DTWD2: variants seen among roughly 807,000 people sequenced by gnomAD.
DTWD2 encodes DTW motif tRNA-uridine aminocarboxypropyltransferase 2.
Under a neutral mutation model 31.8 loss-of-function variants are expected in DTWD2, and 39 were observed. That is an observed-to-expected ratio of 1.22 (90% confidence interval 0.95 to 1.60). DTWD2 has a LOEUF of 1.60. Among genes scored for constraint, DTWD2 ranks in the 40% most tolerant of loss-of-function variants. The probability of loss-of-function intolerance (pLI) is 0.00; values close to 1 mark genes in which losing one functional copy is unlikely to be tolerated. For synonymous variants in DTWD2, 180 were observed against 142.8 expected (o/e 1.26, Z -1.86); for missense variants, 515 against 381.5 (o/e 1.35, Z -2.92).
chr5:118,988,394 C>CCGCCGGCACTG lies in DTWD2; in HGVS notation c.107_117dup (p.Ala40GlnfsTer62), dbSNP rs1386743155. 2 of 1,593,552 alleles carry CCGCCGGCACTG rather than the reference C, an allele frequency of 1.3e-6. No individual in the cohort carries two copies. Among genetic ancestry groups the CCGCCGGCACTG allele is most frequent in the Non-Finnish European group, 1.7e-6 (2 of 1,172,540 alleles). ...TCCGCCTCTGCGCCCAGGGCAGCCG[C>CCGCCGGCACTG]CGCCGGCACTGCGCCGCCCTCCCGC... is the stretch of plus-strand genomic sequence containing the variant. On this transcript the variant is annotated frameshift_variant, in exon 1 of 6. Transcript: ENST00000510708. LOFTEE classifies it high-confidence loss of function.
intron 1 of DTWD2, among the ~76,000 whole-genome samples, chr5:118,985,235 C>CCT (rs1016189296): frequency 3.3e-5 from 5 of 151,954 alleles, no homozygotes; most frequent in Non-Finnish European, 7.4e-5. Flanking sequence ...TCCCTCAAGC[C>CCT]CTCTCCTCAG....
At chr5:118,987,987 T>C (rs1178705583) in intron 1 of DTWD2, 1 of 660,214 alleles carries the variant, frequency 1.5e-6, no homozygotes, top group Non-Finnish European at 2.8e-6. Flanking sequence ...TTTACAAGTA[T>C]TACTGTCATC....
Position 118,839,482 on chromosome 5 carries a change from G to T in DTWD2, c.*1435C>A, listed in dbSNP as rs1751656935. On this transcript the variant is annotated 3_prime_UTR_variant, in exon 6 of 6. Transcript: ENST00000510708. ...CGATCCTCCCACCTTAGCCTCCCAA[G>T]TAGCTAGGACTACAAGTGCACACCA... 6.6e-6 allele frequency: 1 copy of T among 151,912 alleles called. No homozygotes were observed. Among genetic ancestry groups the T allele is most frequent in the Non-Finnish European group, 1.5e-5 (1 of 68,016 alleles). The allele number at this position is 151,912 out of a possible 1,614,324, so 9.4% of individuals were successfully genotyped here.
intron 4 of DTWD2, among the ~76,000 whole-genome samples, chr5:118,924,344 C>T (rs1474345420): frequency 6.6e-6 from 1 of 152,164 alleles, no homozygotes; most frequent in East Asian, 1.9e-4. Context: ...ACAGAACTGC[C>T]TGAGAACCAG....
intron 4 of DTWD2, among the ~76,000 whole-genome samples, chr5:118,876,279 C>T (rs903617719): frequency 6.6e-6 from 1 of 152,084 alleles, no homozygotes; most frequent in Non-Finnish European, 1.5e-5. Context: ...AACAACCTAA[C>T]ATCTCAACTA....
At chr5:118,947,385 A>C (rs1754363186) in intron 1 of DTWD2, among the ~76,000 whole-genome samples, 1 of 152,204 alleles carries the variant, frequency 6.6e-6, no homozygotes, top group Admixed American at 6.5e-5. Flanking sequence ...CTAAGCGGGA[A>C]GGAGAGCTGG....
chr5:118,926,660 T>C (rs1753815091), intron 4 of DTWD2, among the ~76,000 whole-genome samples: 1 of 152,204 alleles, frequency 6.6e-6, no homozygotes, highest in Non-Finnish European at 1.5e-5. Context: ...ACAGTTATAC[T>C]AGCGGAAATA....
At position 118,837,745 on chromosome 5, in the gene DTWD2, T is replaced by G. The variant is rs1751604670; in HGVS notation, c.*3172A>C. The G allele has an allele frequency of 6.6e-6, 1 of 152,010 alleles. No homozygotes were observed. Among genetic ancestry groups the G allele is most frequent in the Non-Finnish European group, 1.5e-5 (1 of 68,034 alleles). 9.4% of individuals were successfully genotyped at this position (152,010 alleles called of 1,614,324 possible). On this transcript the variant is annotated 3_prime_UTR_variant, in exon 6 of 6. Coordinates refer to ENST00000510708, the MANE Select transcript of DTWD2 (RefSeq NM_173666.4). ...GCAAGACCCCCATCTCCACAAAAAT[T>G]AAATGAAATTAGTAAAATTTAAAAT...
At chr5:118,887,118 T>C (rs1752884515) in intron 4 of DTWD2, among the ~76,000 whole-genome samples, 1 of 152,212 alleles carries the variant, frequency 6.6e-6, no homozygotes, top group Non-Finnish European at 1.5e-5. Flanking sequence ...AGAAACTATA[T>C]GGTATAGTGG....
intron 4 of DTWD2, among the ~76,000 whole-genome samples, chr5:118,876,396 A>G (rs2066778021): frequency 6.6e-6 from 1 of 152,182 alleles, no homozygotes; most frequent in Non-Finnish European, 1.5e-5. Context: ...CGTGAATTGA[A>G]GGAGACTAAG....
In DTWD2 at chr5:118,866,140, T is replaced by C. The variant is rs185456791; in HGVS notation, c.598-17922A>G. ...GCATGAAAGTTATGAATCTAAAAAC[T>C]GCTAAATTGTAGCCTGCCTTTAAAA... On this transcript the variant is annotated intron_variant, in intron 4 of 5. Transcript: ENST00000510708. Among the ~76,000 whole-genome samples, 182 of 152,264 alleles carry C rather than the reference T, an allele frequency of 1.2e-3. 2 individuals carry two copies. Among genetic ancestry groups the C allele is most frequent in the Non-Finnish European group, 1.9e-3 (131 of 68,012 alleles).
At chr5:118,849,268 A>C (rs1364905811) in intron 4 of DTWD2, among the ~76,000 whole-genome samples, 2 of 152,196 alleles carry the variant, frequency 1.3e-5, no homozygotes, top group Non-Finnish European at 2.9e-5. Context: ...AACAAACATA[A>C]GAAAAAAATC....
intron 4 of DTWD2, among the ~76,000 whole-genome samples, chr5:118,871,362 T>C (rs1046084970): frequency 1.3e-5 from 2 of 152,234 alleles, no homozygotes; most frequent in Non-Finnish European, 2.9e-5. Flanking sequence ...CTTAATGACA[T>C]CGAGAATGGT....
chr5:118,851,311 G>A (rs533944767), intron 4 of DTWD2, among the ~76,000 whole-genome samples: 7 of 151,488 alleles, frequency 4.6e-5, no homozygotes, highest in Admixed American at 1.3e-4. Flanking sequence ...CTTAAATGTC[G>A]GCTGGTCTGA....
At chr5:118,947,148 C>G (rs1461826713) in intron 1 of DTWD2, among the ~76,000 whole-genome samples, 1 of 152,158 alleles carries the variant, frequency 6.6e-6, no homozygotes, top group African/African-American at 2.4e-5. Flanking sequence ...AGAGCTAGCA[C>G]TGTTGGGTGC....
chr5:118,980,947 CCAAG>C, intron 1 of DTWD2, among the ~76,000 whole-genome samples: 1 of 152,220 alleles, frequency 6.6e-6, no homozygotes, highest in East Asian at 1.9e-4. Flanking sequence ...TAAAAACAAC[CCAAG>C]CATTCATCAA....
At chr5:118,876,128 G>A (rs543079195) in intron 4 of DTWD2, among the ~76,000 whole-genome samples, 2 of 152,252 alleles carry the variant, frequency 1.3e-5, no homozygotes, top group African/African-American at 4.8e-5. Context: ...TGAAATGAAG[G>A]CAGAAATCAA....
At chr5:118,863,989 C>G (rs191466665) in intron 4 of DTWD2, among the ~76,000 whole-genome samples, 9 of 151,056 alleles carry the variant, frequency 6.0e-5, no homozygotes, top group Non-Finnish European at 8.8e-5. Flanking sequence ...CCTCCATAAT[C>G]TGGGCCCTAT....
chr5:118,923,604 C>T (rs1373138702), intron 4 of DTWD2, among the ~76,000 whole-genome samples: 2 of 152,196 alleles, frequency 1.3e-5, no homozygotes, highest in Non-Finnish European at 2.9e-5. Flanking sequence ...CAAGGTAATA[C>T]ATTCTCTTTG....
Sources: allele counts gnomAD v4.1 joint callset (sites outside exome capture counted in the v4.1 genomes callset), GRCh38; gene constraint gnomAD v4.1.1; transcripts MANE v1.5; gene names NCBI Gene and HGNC (gene_info 2026-07-23, HGNC 2026-07-21).